WWOX: variants seen among roughly 807,000 people sequenced by gnomAD.
The protein encoded by WWOX is WW domain containing oxidoreductase, also known as WW domain-containing oxidoreductase.
A neutral mutation model predicts 46.2 loss-of-function variants in WWOX; 69 were observed. The ratio of observed to expected loss-of-function variants is 1.49; its 90% confidence interval spans 1.23 to 1.82. WWOX has a LOEUF of 1.82. WWOX is among the 40% of genes most tolerant of loss of function. The pLI, the probability that WWOX is intolerant of heterozygous loss-of-function variation, is 0.00. For missense variants in WWOX, 919 were observed against 542.6 expected (o/e 1.69, Z -6.89); for synonymous variants, 359 against 202.6 (o/e 1.77, Z -6.56).
chr16:78,964,659 T>G (rs34693822), intron 8 of WWOX, among the ~76,000 whole-genome samples: 9,635 of 152,272 alleles, frequency 0.063, 413 homozygotes, highest in Non-Finnish European at 0.096. Context: ...CAGAAATTTG[T>G]GTAAGTGGCA....
chr16:78,335,763 C>T (rs1032445990), intron 5 of WWOX, among the ~76,000 whole-genome samples: 1 of 152,178 alleles, frequency 6.6e-6, no homozygotes, highest in Non-Finnish European at 1.5e-5. Flanking sequence ...GGTTCTGGCT[C>T]TGCAGAACTG....
intron 5 of WWOX, among the ~76,000 whole-genome samples, chr16:78,182,908 G>A (rs142994735): frequency 0.012 from 1,689 of 144,344 alleles, 29 homozygotes; most frequent in African/African-American, 0.027. Flanking sequence ...CCGAGATTGC[G>A]CCACTGCACT....
At chr16:78,690,920 C>G (rs986045361) in intron 8 of WWOX, among the ~76,000 whole-genome samples, 1 of 152,144 alleles carries the variant, frequency 6.6e-6, no homozygotes, top group African/African-American at 2.4e-5. Flanking sequence ...TGGCCGAAGC[C>G]TTTGTGTTGA....
intron 6 of WWOX, among the ~76,000 whole-genome samples, chr16:78,419,625 C>CAAAAAAA (rs60762734): frequency 3.1e-4 from 14 of 44,686 alleles, no homozygotes; most frequent in African/African-American, 5.1e-4. Flanking sequence ...CAAAAAATAG[C>CAAAAAAA]AAAAAAAAAA....
intron 8 of WWOX, among the ~76,000 whole-genome samples, chr16:78,922,984 C>CTTTTTTTCTTTTTTTTTTTTTT (rs1555569184): frequency 7.1e-6 from 1 of 141,530 alleles, no homozygotes. Context: ...TTTCTCTTTT[C>CTTTTTTTCTTTTTTTTTTTTTT]TTTTTTTTTT....
intron 5 of WWOX, among the ~76,000 whole-genome samples, chr16:78,235,986 A>G (rs910648594): frequency 1.3e-5 from 2 of 152,176 alleles, no homozygotes; most frequent in Non-Finnish European, 2.9e-5. Flanking sequence ...CTCTGTTGCA[A>G]CTTCTCAACT....
At chr16:78,488,758 C>T (rs1396273518) in intron 8 of WWOX, among the ~76,000 whole-genome samples, 2 of 152,304 alleles carry the variant, frequency 1.3e-5, no homozygotes, top group East Asian at 1.9e-4. Flanking sequence ...CATCTGACTT[C>T]ACCTTTCTGA....
chr16:78,914,908 C>T (rs1024682785), intron 8 of WWOX, among the ~76,000 whole-genome samples: 1 of 145,566 alleles, frequency 6.9e-6, no homozygotes. Flanking sequence ...AAAAAAGGAA[C>T]CAGATGGCCC....
At chr16:79,118,012 C>T (rs2049552054) in intron 8 of WWOX, among the ~76,000 whole-genome samples, 1 of 152,214 alleles carries the variant, frequency 6.6e-6, no homozygotes, top group South Asian at 2.1e-4. Flanking sequence ...TTTTAATTTC[C>T]TTCAAGAACT....
chr16:78,135,909 A>AT (rs2033774887), intron 4 of WWOX, among the ~76,000 whole-genome samples: 1 of 152,166 alleles, frequency 6.6e-6, no homozygotes, highest in Non-Finnish European at 1.5e-5. Flanking sequence ...CAGCATGCAA[A>AT]TGTGGGTGGG....
At chr16:78,424,399 C>T (rs141187876) in intron 6 of WWOX, among the ~76,000 whole-genome samples, 125 of 152,286 alleles carry the variant, frequency 8.2e-4, no homozygotes, top group African/African-American at 3.0e-3. Context: ...GGATTACAGG[C>T]GTGAGCCCCC....
Position 79,017,679 on chromosome 16 carries a change from CAT to C in WWOX, c.1057-193926_1057-193925del, listed in dbSNP as rs199952433. Among the ~76,000 whole-genome samples the C allele has an allele frequency of 9.4e-4, 143 of 151,756 alleles. No homozygotes were observed. In the East Asian group the frequency reaches 0.019, roughly 20 times the overall value. ...TTTATAGACACTGAAATTTGAATTC[CAT>C]ATGTCATGAAATTATATTTTTTTGA... On this transcript the variant is annotated intron_variant, in intron 8 of 8. Coordinates refer to ENST00000566780, the MANE Select transcript of WWOX (RefSeq NM_016373.4).
chr16:79,210,288 C>T (rs780991793), intron 8 of WWOX, among the ~76,000 whole-genome samples: 34 of 152,212 alleles, frequency 2.2e-4, no homozygotes, highest in African/African-American at 6.8e-4. Flanking sequence ...AGATTCTTCA[C>T]GTCGTAACAC....
chr16:78,615,471 C>A (rs74775294), intron 8 of WWOX, among the ~76,000 whole-genome samples: 1 of 151,924 alleles, frequency 6.6e-6, no homozygotes, highest in African/African-American at 2.4e-5. Flanking sequence ...CAGCATAGCA[C>A]GACCCATCTC....
chr16:78,837,882 T>G (rs1225539761), intron 8 of WWOX, among the ~76,000 whole-genome samples: 2 of 152,346 alleles, frequency 1.3e-5, no homozygotes, highest in African/African-American at 4.8e-5. Context: ...TAAGTATTAT[T>G]GTCCCCATTT....
chr16:78,833,552 C>T (rs561142731), intron 8 of WWOX, among the ~76,000 whole-genome samples: 21 of 152,106 alleles, frequency 1.4e-4, no homozygotes, highest in Non-Finnish European at 2.8e-4. Flanking sequence ...TTATCATAAC[C>T]CCAGTAGGCT....
chr16:78,706,839 C>A (rs958919555), intron 8 of WWOX, among the ~76,000 whole-genome samples: 20 of 152,114 alleles, frequency 1.3e-4, no homozygotes, highest in African/African-American at 3.1e-4. Flanking sequence ...CTTTATCACC[C>A]AGTCTGGAGT....
intron 8 of WWOX, among the ~76,000 whole-genome samples, chr16:78,994,871 A>C (rs994040120): frequency 6.6e-6 from 1 of 151,508 alleles, no homozygotes; most frequent in African/African-American, 2.4e-5. Flanking sequence ...CATTATTATA[A>C]TGTGAAAAAG....
At chr16:78,574,137 G>GC (rs762805645) in intron 8 of WWOX, among the ~76,000 whole-genome samples, 1 of 152,210 alleles carries the variant, frequency 6.6e-6, no homozygotes, top group Non-Finnish European at 1.5e-5. Context: ...GGCATCAACA[G>GC]TTCCTGAATA....
Sources: allele counts gnomAD v4.1 joint callset (sites outside exome capture counted in the v4.1 genomes callset), GRCh38; gene constraint gnomAD v4.1.1; transcripts MANE v1.5; gene names NCBI Gene and HGNC (gene_info 2026-07-23, HGNC 2026-07-21).